Variants in PTPRR observed in about 807,000 individuals in gnomAD.
The protein encoded by PTPRR is protein tyrosine phosphatase receptor type R.
A neutral mutation model predicts 77.2 loss-of-function variants in PTPRR; 38 were observed. The ratio of observed to expected loss-of-function variants is 0.49; its 90% confidence interval spans 0.38 to 0.65. PTPRR has a LOEUF of 0.65. PTPRR is among the 30% of genes least tolerant of loss of function. The pLI is 0.00. For synonymous variants in PTPRR, 299 were observed against 283.1 expected (o/e 1.06, Z -0.57); for missense variants, 744 against 799.2 (o/e 0.93, Z 0.83).
intron 6 of PTPRR, among the ~76,000 whole-genome samples, chr12:70,740,626 A>T (rs889321664): frequency 6.6e-6 from 1 of 152,146 alleles, no homozygotes; most frequent in African/African-American, 2.4e-5. Context: ...TTTAGTCTCT[A>T]GATCTTATTT....
intron 12 of PTPRR, among the ~76,000 whole-genome samples, chr12:70,659,991 C>A (rs1386604864): frequency 6.6e-6 from 1 of 151,582 alleles, no homozygotes; most frequent in Admixed American, 6.6e-5. Flanking sequence ...GCCTGGCCAA[C>A]ATGGTGAAAC....
At chr12:70,808,893 C>T (rs1198141711) in intron 2 of PTPRR, among the ~76,000 whole-genome samples, 1 of 152,162 alleles carries the variant, frequency 6.6e-6, no homozygotes, top group Admixed American at 6.5e-5. Flanking sequence ...CTAAGTGCTA[C>T]TTCCATGATC....
intron 2 of PTPRR, among the ~76,000 whole-genome samples, chr12:70,891,739 A>C (rs1252146438): frequency 6.6e-6 from 1 of 152,120 alleles, no homozygotes; most frequent in Non-Finnish European, 1.5e-5. Flanking sequence ...CTCAATATTA[A>C]GTAAAGTATA....
At chr12:70,646,291 A>T (rs1257727001) in intron 13 of PTPRR, among the ~76,000 whole-genome samples, 2 of 152,156 alleles carry the variant, frequency 1.3e-5, no homozygotes, top group Admixed American at 6.5e-5. Flanking sequence ...CTTTACACAG[A>T]TGTCATATCA....
chr12:70,746,609 A>T (rs563413501), intron 5 of PTPRR, among the ~76,000 whole-genome samples: 1 of 152,188 alleles, frequency 6.6e-6, no homozygotes, highest in African/African-American at 2.4e-5. Context: ...TACTTGACAA[A>T]TTAAATTTAG....
chr12:70,711,431 A>G (rs1274399577), intron 6 of PTPRR, among the ~76,000 whole-genome samples: 3 of 152,070 alleles, frequency 2.0e-5, no homozygotes, highest in African/African-American at 7.2e-5. Flanking sequence ...AGGAAAAATA[A>G]CTAAGGGGTA....
At chr12:70,758,594 G>A (rs757241371) in intron 4 of PTPRR, among the ~76,000 whole-genome samples, 9 of 152,100 alleles carry the variant, frequency 5.9e-5, no homozygotes, top group Non-Finnish European at 1.3e-4. Context: ...CAGTCAGTCC[G>A]TGTAGGGCCT....
At chr12:70,817,165 T>C (rs1308766132) in intron 2 of PTPRR, among the ~76,000 whole-genome samples, 4 of 152,262 alleles carry the variant, frequency 2.6e-5, no homozygotes, top group African/African-American at 9.6e-5. Flanking sequence ...TTTAAAAAAG[T>C]AACACCTATG....
intron 5 of PTPRR, 124 bp from the exon 6 acceptor site, chr12:70,746,210 C>T: frequency 1.1e-6 from 1 of 895,030 alleles, no homozygotes; most frequent in Admixed American, 2.9e-5. Context: ...AAACAAAGCC[C>T]TCTGAGAGAT....
At chr12:70,914,583 T>C (rs1336910475) in intron 1 of PTPRR, among the ~76,000 whole-genome samples, 1 of 152,194 alleles carries the variant, frequency 6.6e-6, no homozygotes, top group Non-Finnish European at 1.5e-5. Flanking sequence ...TTGTGAAGAA[T>C]CCTGGTGTTA....
chr12:70,912,596 T>C (rs1445266352), intron 1 of PTPRR, among the ~76,000 whole-genome samples: 1 of 152,196 alleles, frequency 6.6e-6, no homozygotes, highest in Non-Finnish European at 1.5e-5. Context: ...TTGTTGTTGG[T>C]CCATGTGGCT....
At chr12:70,849,631 A>T (rs941184493) in intron 2 of PTPRR, among the ~76,000 whole-genome samples, 1 of 152,228 alleles carries the variant, frequency 6.6e-6, no homozygotes, top group African/African-American at 2.4e-5. Flanking sequence ...TGACATTTCC[A>T]TTGATTTTTC....
intron 1 of PTPRR, among the ~76,000 whole-genome samples, chr12:70,908,254 T>A (rs1212137204): frequency 6.6e-6 from 1 of 152,166 alleles, no homozygotes; most frequent in East Asian, 1.9e-4. Flanking sequence ...GTAATGATAC[T>A]ACAGAGACAT....
intron 8 of PTPRR, 43 bp downstream of exon 8, chr12:70,698,222 C>G: frequency 6.4e-7 from 1 of 1,551,896 alleles, no homozygotes; most frequent in South Asian, 1.1e-5. Context: ...TATCCCTCCC[C>G]TTGCCCCCCA....
At chr12:70,834,994 C>T (rs1400627894) in intron 2 of PTPRR, among the ~76,000 whole-genome samples, 1 of 152,102 alleles carries the variant, frequency 6.6e-6, no homozygotes, top group Non-Finnish European at 1.5e-5. Context: ...CCCCTTCTTA[C>T]ACCACTGTAT....
rs76940163 is a variant in PTPRR, at chr12:70,657,911, T to A, written c.1767-1094A>T. Among the ~76,000 whole-genome samples the A allele has an allele frequency of 8.2e-3, 1,244 of 152,314 alleles. 17 individuals carry two copies. The highest frequency in any genetic ancestry group is 0.028 in the African/African-American group (1,165 of 41,562). ...CTCCTTTTTTCATGATTAGCAGTGA[T>A]CTCATTATAGTTTCCAAGTCTCAAG... On this transcript the variant is annotated intron_variant, in intron 12 of 13. Transcript: ENST00000283228.
chr12:70,661,937 C>T (rs1205031981), intron 11 of PTPRR, among the ~76,000 whole-genome samples: 1 of 152,140 alleles, frequency 6.6e-6, no homozygotes, highest in Non-Finnish European at 1.5e-5. Context: ...AAAAATAATA[C>T]CATGGTAACA....
At chr12:70,718,653 G>A (rs1889127238) in intron 6 of PTPRR, among the ~76,000 whole-genome samples, 1 of 152,138 alleles carries the variant, frequency 6.6e-6, no homozygotes, top group Non-Finnish European at 1.5e-5. Flanking sequence ...AGAGTTAGAT[G>A]TTACATTAAT....
At chr12:70,825,393 G>C (rs778099776) in intron 2 of PTPRR, among the ~76,000 whole-genome samples, 64 of 152,206 alleles carry the variant, frequency 4.2e-4, no homozygotes, top group Non-Finnish European at 6.5e-4. Context: ...TGGCCCAAGA[G>C]TGCCCACTCA....
Sources: allele counts gnomAD v4.1 joint callset (sites outside exome capture counted in the v4.1 genomes callset), GRCh38; gene constraint gnomAD v4.1.1; transcripts MANE v1.5; gene names NCBI Gene and HGNC (gene_info 2026-07-23, HGNC 2026-07-21).